PCDH17: variants seen among roughly 807,000 people sequenced by gnomAD.
PCDH17 encodes protocadherin-17.
In PCDH17, 21 loss-of-function variants were observed where a neutral mutation model predicts 67.7. The ratio of observed to expected loss-of-function variants is 0.31; its 90% CI spans 0.22 to 0.45. PCDH17 has a LOEUF of 0.45. Ranked by LOEUF, PCDH17 falls within the 20% of genes least tolerant of loss-of-function variation. The pLI is 1.00. For synonymous variants in PCDH17, 701 were observed against 656.7 expected, an observed-to-expected ratio of 1.07 and a Z score of -1.03; for missense variants, 1,471 against 1,564.8, an observed-to-expected ratio of 0.94 and a Z score of 1.01.
In PCDH17 at chr13:57,634,951, C is replaced by G. The variant is rs755184849; in HGVS notation, c.2405C>G (p.Thr802Ser). The G allele has an allele frequency of 1.1e-5, 18 of 1,613,866 alleles. No individual in the cohort carries two copies. The Admixed American group carries it at 2.3e-4, about 21-fold the overall frequency. ...ATSPMYFDYQ[T>S]RLPLSSPRSE... ...TCCCCCATGTACTTCGACTACCAGA[C>G]CCGCCTGCCCCTCAGCTCGCCCCGG... Residue 802 changes from threonine (T) to serine (S), a missense_variant, in exon 1 of 4, where the codon ACC (threonine) becomes AGC (serine). This residue lies in a region of PCDH17 where 1,163 missense variants were observed against 1,230.0 expected (regional missense o/e 0.95). Coordinates refer to ENST00000377918, the MANE Select transcript of PCDH17 (RefSeq NM_001040429.3). This position sits in a 1 kb window ranked among gnomAD's most constrained non-coding sequence, Gnocchi z 7.8.
At chr13:57,709,401 T>C (rs1955754024) in intron 3 of PCDH17, among the ~76,000 whole-genome samples, 2 of 151,758 alleles carry the variant, frequency 1.3e-5, no homozygotes, top group South Asian at 4.1e-4. Flanking sequence ...AGTGTATTTC[T>C]TCCATGGACC....
chr13:57,634,846 T>C lies in PCDH17; in HGVS notation c.2300T>C (p.Ile767Thr), dbSNP rs1035674676. The part of the protein sequence containing the change: ...GKKKKINKND[I>T]MLVQSEVEER... The stretch of plus-strand genomic sequence containing the variant: ...AAGAAGAAGATCAACAAAAATGATA[T>C]CATGCTGGTGCAGAGCGAAGTGGAG... The change falls in exon 1 of 4, where the codon ATC (isoleucine) becomes ACC (threonine). Residue 767 changes from isoleucine to threonine, a missense_variant. Ile to Thr is a moderately conservative substitution (Grantham distance 89, BLOSUM62 -1). This residue lies in a region of PCDH17 where 1,163 missense variants were observed against 1,230.0 expected (regional missense o/e 0.95). Coordinates refer to ENST00000377918, the MANE Select transcript of PCDH17 (RefSeq NM_001040429.3). This position sits in a 1 kb window ranked among gnomAD's most constrained non-coding sequence, Gnocchi z 7.8. 2.5e-6 allele frequency: 4 copies of C among 1,613,946 alleles called. No individual in the cohort carries two copies. Among genetic ancestry groups the C allele is most frequent in the Non-Finnish European group, 3.4e-6 (4 of 1,179,988 alleles).
chr13:57,698,592 T>C (rs554519512), intron 3 of PCDH17, among the ~76,000 whole-genome samples: 2 of 152,094 alleles, frequency 1.3e-5, no homozygotes, highest in East Asian at 3.9e-4. Flanking sequence ...CAATTGCTAA[T>C]TTTGAGGACT....
intron 3 of PCDH17, among the ~76,000 whole-genome samples, chr13:57,687,006 A>G (rs1955514145): frequency 6.6e-6 from 1 of 151,960 alleles, no homozygotes; most frequent in Admixed American, 6.6e-5. Flanking sequence ...ATGCATAACT[A>G]AGTATTAGAA....
chr13:57,685,331 G>A (rs947577674), intron 3 of PCDH17, among the ~76,000 whole-genome samples: 1 of 151,786 alleles, frequency 6.6e-6, no homozygotes. Context: ...GACATATAAA[G>A]CATTACTGAT....
At chr13:57,637,436 T>A (rs189081182) in intron 1 of PCDH17, among the ~76,000 whole-genome samples, 1 of 151,762 alleles carries the variant, frequency 6.6e-6, no homozygotes, top group Non-Finnish European at 1.5e-5. Context: ...ACAGGGACAG[T>A]CTTTTTTTTT....
intron 3 of PCDH17, among the ~76,000 whole-genome samples, chr13:57,720,970 G>A (rs1955867845): frequency 1.3e-5 from 2 of 152,074 alleles, no homozygotes; most frequent in Admixed American, 6.6e-5. Context: ...AGTGTTTAAA[G>A]TTATTTGATT....
At chr13:57,659,739 G>A (rs1297850624) in intron 1 of PCDH17, among the ~76,000 whole-genome samples, 1 of 152,076 alleles carries the variant, frequency 6.6e-6, no homozygotes, top group African/African-American at 2.4e-5. Context: ...ACAGTTTTAT[G>A]AGCCATTTTG....
chr13:57,725,177 T>A lies in PCDH17; in HGVS notation c.3363T>A (p.Leu1121=), dbSNP rs1380812123. The part of the protein sequence containing the change: ...SSEMGAVLEQ[L]DHPNRDLGRE... ...AGATGGGTGCTGTTCTTGAGCAGCT[T>A]GACCACCCCAACAGGGATCTGGGCA... Residue 1121 remains leucine, a synonymous_variant, in exon 4 of 4, where the codon CTT becomes CTA. Transcript: ENST00000377918. 6.2e-7 allele frequency: 1 copy of A among 1,614,110 alleles called. No individual in the cohort carries two copies. The highest frequency in any genetic ancestry group is 1.1e-5 in the South Asian group (1 of 91,082).
At chr13:57,693,990 T>G (rs1955583986) in intron 3 of PCDH17, among the ~76,000 whole-genome samples, 1 of 149,986 alleles carries the variant, frequency 6.7e-6, no homozygotes, top group African/African-American at 2.4e-5. Flanking sequence ...TTTTTTGAGG[T>G]AAATGACTTA....
intron 3 of PCDH17, among the ~76,000 whole-genome samples, chr13:57,717,136 T>G (rs1955824515): frequency 6.6e-6 from 1 of 151,958 alleles, no homozygotes; most frequent in African/African-American, 2.4e-5. Context: ...ATGGTTCCAT[T>G]TAGCTGTGCC....
At chr13:57,642,723 CAAATT>C (rs1593895462) in intron 1 of PCDH17, among the ~76,000 whole-genome samples, 1 of 151,160 alleles carries the variant, frequency 6.6e-6, no homozygotes, top group South Asian at 2.1e-4. Context: ...GAAAAAAACT[CAAATT>C]AAAATATATA....
chr13:57,633,239 G>A lies in PCDH17; in HGVS notation c.693G>A (p.Val231=). The change falls in exon 1 of 4, where the codon GTG becomes GTA. Residue 231 remains valine, a synonymous_variant. Transcript: ENST00000377918. This position sits in a 1 kb window ranked among gnomAD's most constrained non-coding sequence, Gnocchi z 6.2. ...PPRSATVQIN[V]KVIDSNDNSP... is the part of the protein sequence containing the mutation. ...GTTCCGCCACCGTACAGATCAACGTGAAGGTGATTGACTCCAACGACAACA... is the reference window on the plus strand; with the variant it reads ...GTTCCGCCACCGTACAGATCAACGTAAAGGTGATTGACTCCAACGACAACA... 6.2e-7 allele frequency: 1 copy of A among 1,613,332 alleles called. No individual in the cohort carries two copies. Among genetic ancestry groups the A allele is most frequent in the Non-Finnish European group, 8.5e-7 (1 of 1,180,010 alleles).
At chr13:57,682,371 G>A (rs1955459618) in intron 3 of PCDH17, among the ~76,000 whole-genome samples, 1 of 151,700 alleles carries the variant, frequency 6.6e-6, no homozygotes, top group South Asian at 2.1e-4. Flanking sequence ...GTGGTCACAT[G>A]TATTCTCTGT....
intron 3 of PCDH17, among the ~76,000 whole-genome samples, chr13:57,713,827 G>C (rs1955797308): frequency 6.6e-6 from 1 of 151,374 alleles, no homozygotes; most frequent in African/African-American, 2.4e-5. Context: ...AATCATTTAT[G>C]GAGTAGTATA....
chr13:57,666,770 A>AT lies in PCDH17; in HGVS notation c.2735dup (p.Met912IlefsTer4). The AT allele has an allele frequency of 6.2e-7, 1 of 1,613,748 alleles. No homozygotes were observed. The highest frequency in any genetic ancestry group is 8.5e-7 in the Non-Finnish European group (1 of 1,179,798). ...CACTAACAAAGGCTCCTGCTGTGACATGTCTGTTAGGGAGGCACTCAAGAT... is the reference window on the plus strand; with the variant it reads ...CACTAACAAAGGCTCCTGCTGTGACATTGTCTGTTAGGGAGGCACTCAAGAT... On this transcript the variant is annotated frameshift_variant, in exon 3 of 4. Coordinates refer to ENST00000377918, the MANE Select transcript of PCDH17 (RefSeq NM_001040429.3). LOFTEE classifies it high-confidence loss of function.
At chr13:57,722,587 G>A (rs1400074802) in intron 3 of PCDH17, among the ~76,000 whole-genome samples, 1 of 151,902 alleles carries the variant, frequency 6.6e-6, no homozygotes, top group Non-Finnish European at 1.5e-5. Context: ...ACCTGATATT[G>A]AACCTTTCTT....
In PCDH17 at chr13:57,632,198, G is replaced by C. The variant is rs750051099; in HGVS notation, c.-349G>C. On this transcript the variant is annotated 5_prime_UTR_variant, in exon 1 of 4. Transcript: ENST00000377918. ...TCCCAGACGAGATTTCCTTCTTATC[G>C]CCTGCCTCATCGCTCAAGTTTGAGC... The C allele has an allele frequency of 2.7e-4, 92 of 338,332 alleles. 1 individual carries two copies. In the Middle Eastern group the frequency reaches 5.1e-3, roughly 19 times the overall value. The allele number at this position is 338,332 out of a possible 1,614,324, so 21.0% of individuals were successfully genotyped here. A position where few individuals can be genotyped will look rare whatever the true frequency, so the allele number is the denominator to read the frequency against.
In PCDH17 at chr13:57,632,402, C is replaced by T; in HGVS notation, c.-145C>T. The stretch of plus-strand genomic sequence containing the variant: ...AATAAGGAGAGACCACCGGGTGCCG[C>T]AGCTCGGGTGCAGAGGGAAAAAAGG... On this transcript the variant is annotated 5_prime_UTR_variant, in exon 1 of 4. Coordinates refer to ENST00000377918, the MANE Select transcript of PCDH17 (RefSeq NM_001040429.3). 1.3e-6 allele frequency: 1 copy of T among 746,526 alleles called. No homozygotes were observed. The highest frequency in any genetic ancestry group is 2.2e-6 in the Non-Finnish European group (1 of 461,658). The allele number at this position is 746,526 out of a possible 1,614,324, so 46.2% of individuals were successfully genotyped here.
Sources: gnomAD v4.1 joint callset for allele counts (sites outside exome capture counted in the v4.1 genomes callset) on GRCh38, gnomAD v4.1.1 for gene constraint, gnomAD v4.1.1 regional missense constraint, Gnocchi (gnomAD v3.1) non-coding constraint, MANE v1.5 for transcripts, NCBI Gene and HGNC (gene_info 2026-07-23, HGNC 2026-07-21) for gene names.